MAOB: variants seen among roughly 807,000 people sequenced by gnomAD.
MAOB encodes the protein amine oxidase [flavin-containing] B.
Under a neutral mutation model 41.9 loss-of-function variants are expected in MAOB, and 15 were observed. That is an observed-to-expected ratio of 0.36 (90% confidence interval 0.24 to 0.55). The LOEUF is 0.55. Among genes scored for constraint, MAOB ranks in the 20% least tolerant of loss-of-function variants. MAOB has a pLI of 0.86. For synonymous variants in MAOB, 167 were observed against 144.2 expected, an observed-to-expected ratio of 1.16 and a Z score of -1.13; for missense variants, 345 against 398.7, an observed-to-expected ratio of 0.87 and a Z score of 1.15.
At chrX:43,797,632 A>T (rs772935663) in intron 5 of MAOB, among the ~76,000 whole-genome samples, 7 of 111,701 alleles carry the variant, frequency 6.3e-5, no homozygotes, top group South Asian at 3.8e-4. Context: ...CTCTCTTTCC[A>T]TCAATCTTCC....
intron 1 of MAOB, among the ~76,000 whole-genome samples, chrX:43,857,258 G>A (rs185853775): frequency 5.0e-5 from 5 of 100,653 alleles, no homozygotes; most frequent in Admixed American, 2.2e-4. Context: ...TCAGCTCACC[G>A]CAACCTCTAC....
chrX:43,828,895 T>C (rs1250201175), intron 3 of MAOB, among the ~76,000 whole-genome samples: 1 of 112,193 alleles, frequency 8.9e-6, no homozygotes, highest in Non-Finnish European at 1.9e-5. Flanking sequence ...ATAATGCATA[T>C]AAACTGCTTA....
At chrX:43,835,695 C>G (rs1197797377) in intron 3 of MAOB, among the ~76,000 whole-genome samples, 5 of 111,712 alleles carry the variant, frequency 4.5e-5, no homozygotes, top group African/African-American at 1.6e-4. Flanking sequence ...GAACACACTT[C>G]CTCTATCAGA....
intron 2 of MAOB, among the ~76,000 whole-genome samples, chrX:43,842,509 AGAAAACTAAAAATG>A (rs2035148995): frequency 8.9e-6 from 1 of 112,716 alleles, no homozygotes; most frequent in Non-Finnish European, 1.9e-5. Flanking sequence ...GAGGTTCCTC[AGAAAACTAAAAATG>A]GAAAACTAAA....
chrX:43,810,019 G>C lies in MAOB; in HGVS notation c.280-6615C>G, dbSNP rs999461155. ...AGCACTTTGGGAGGCCGAGGCGGGC[G>C]GATCACGAGGTCAGGAGATCGAGAC... On this transcript the variant is annotated intron_variant, in intron 3 of 14. Transcript: ENST00000378069. Among the ~76,000 whole-genome samples the C allele has an allele frequency of 2.4e-4, 24 of 99,553 alleles. 3 individuals are homozygous for C. Among genetic ancestry groups the C allele is most frequent in the African/African-American group, 1.0e-3 (22 of 21,670 alleles). The allele number at this position is 99,553 out of a possible 115,157, so 86.4% of individuals were successfully genotyped here.
chrX:43,848,805 C>T (rs908971031), intron 1 of MAOB, among the ~76,000 whole-genome samples: 5 of 111,800 alleles, frequency 4.5e-5, no homozygotes, highest in South Asian at 3.7e-4. Flanking sequence ...CTGCCTGCCT[C>T]GGCCTCCCAA....
At chrX:43,824,785 C>G (rs2034924721) in intron 3 of MAOB, among the ~76,000 whole-genome samples, 1 of 113,375 alleles carries the variant, frequency 8.8e-6, no homozygotes, top group Non-Finnish European at 1.9e-5. Flanking sequence ...GAAATAGACA[C>G]AGACATATGT....
intron 3 of MAOB, among the ~76,000 whole-genome samples, chrX:43,824,796 G>A (rs772941303): frequency 8.8e-6 from 1 of 113,472 alleles, no homozygotes; most frequent in Non-Finnish European, 1.9e-5. Flanking sequence ...AGACATATGT[G>A]TGGCCATGTG....
intron 3 of MAOB, among the ~76,000 whole-genome samples, chrX:43,821,881 G>A (rs1219607315): frequency 8.9e-6 from 1 of 111,848 alleles, no homozygotes; most frequent in Admixed American, 9.5e-5. Flanking sequence ...GGGAACACTT[G>A]GAGGTTAGAA....
intron 12 of MAOB, among the ~76,000 whole-genome samples, chrX:43,770,976 C>T (rs925188769): frequency 3.6e-5 from 4 of 111,821 alleles, no homozygotes; most frequent in Admixed American, 9.5e-5. Flanking sequence ...ATCTGATAAG[C>T]GATGTCAAGA....
chrX:43,770,076 C>T (rs2034162806), intron 12 of MAOB, among the ~76,000 whole-genome samples: 1 of 111,188 alleles, frequency 9.0e-6, no homozygotes, highest in African/African-American at 3.3e-5. Context: ...GACTTATTCC[C>T]AGCTGCTGGG....
intron 3 of MAOB, among the ~76,000 whole-genome samples, chrX:43,809,507 T>C (rs1193996277): frequency 1.8e-5 from 2 of 112,594 alleles, no homozygotes; most frequent in Non-Finnish European, 3.8e-5. Flanking sequence ...ACAAATCTTC[T>C]TTTGTAAGAT....
intron 3 of MAOB, among the ~76,000 whole-genome samples, chrX:43,807,986 A>G (rs1487852373): frequency 9.0e-6 from 1 of 111,524 alleles, no homozygotes; most frequent in Non-Finnish European, 1.9e-5. Context: ...CAGACCCACT[A>G]TGGTCTCTGC....
chrX:43,777,024 G>T (rs2034268416), intron 11 of MAOB, among the ~76,000 whole-genome samples: 1 of 110,574 alleles, frequency 9.0e-6, no homozygotes, highest in South Asian at 3.9e-4. Context: ...GGACATTTGG[G>T]TTGGTTTCAA....
chrX:43,782,465 A>G (rs1009980296), intron 8 of MAOB, among the ~76,000 whole-genome samples: 3 of 111,412 alleles, frequency 2.7e-5, no homozygotes, highest in Admixed American at 9.5e-5. Flanking sequence ...CCTGAATAGA[A>G]CAAGAACAAG....
At chrX:43,820,607 C>T (rs1176057709) in intron 3 of MAOB, among the ~76,000 whole-genome samples, 1 of 111,908 alleles carries the variant, frequency 8.9e-6, no homozygotes, top group Non-Finnish European at 1.9e-5. Flanking sequence ...TCCGTTTTTG[C>T]GTACAGATAC....
At chrX:43,852,411 T>A (rs1031331910) in intron 1 of MAOB, among the ~76,000 whole-genome samples, 1 of 112,243 alleles carries the variant, frequency 8.9e-6, no homozygotes, top group Non-Finnish European at 1.9e-5. Flanking sequence ...AGGGATGAAA[T>A]GTCATGATGT....
At chrX:43,870,305 T>C (rs1425228520) in intron 1 of MAOB, among the ~76,000 whole-genome samples, 1 of 111,903 alleles carries the variant, frequency 8.9e-6, no homozygotes, top group East Asian at 2.8e-4. Flanking sequence ...GATCGGAGGC[T>C]CTAAATTTCA....
chrX:43,849,669 G>C (rs1283663522), intron 1 of MAOB, among the ~76,000 whole-genome samples: 1 of 112,778 alleles, frequency 8.9e-6, no homozygotes, highest in African/African-American at 3.2e-5. Context: ...TTGAAGCTCA[G>C]AAAACTTTTA....
Sources: allele counts gnomAD v4.1 joint callset (sites outside exome capture counted in the v4.1 genomes callset), GRCh38; gene constraint gnomAD v4.1.1; transcripts MANE v1.5; gene names NCBI Gene and HGNC (gene_info 2026-07-23, HGNC 2026-07-21).